The following C1QTNF3 variants were observed in gnomAD, a reference collection of about 807,000 sequenced individuals.
C1QTNF3 encodes complement C1q tumor necrosis factor-related protein 3.
Under a neutral mutation model 32.6 loss-of-function variants are expected in C1QTNF3, and 26 were observed. The ratio of observed to expected loss-of-function variants is 0.80; its 90% CI spans 0.58 to 1.11. The LOEUF (loss-of-function observed/expected upper bound fraction) is 1.11, where lower values mean the gene tolerates loss of function less well. C1QTNF3 is among the 50% of genes least tolerant of loss of function. C1QTNF3 has a pLI of 0.00. For synonymous variants in C1QTNF3, 155 were observed against 146.0 expected, an observed-to-expected ratio of 1.06 and a Z score of -0.44; for missense variants, 362 against 398.2, an observed-to-expected ratio of 0.91 and a Z score of 0.77.
chr5:34,096,756 C>T, the C1QTNF3 span, among the ~76,000 whole-genome samples: 3 of 151,972 alleles, frequency 2.0e-5, no homozygotes, highest in East Asian at 1.9e-4. Context: ...CTAGTGGGTA[C>T]ATATAAACCT....
At chr5:34,035,456 T>C (rs1754712608) in intron 2 of C1QTNF3, among the ~76,000 whole-genome samples, 191 bp downstream of exon 2, 1 of 152,246 alleles carries the variant, frequency 6.6e-6, no homozygotes, top group African/African-American at 2.4e-5. Context: ...ACGAAGACTA[T>C]GACCTGGTCG....
the C1QTNF3 span, among the ~76,000 whole-genome samples, chr5:34,123,629 T>G: frequency 6.7e-6 from 1 of 149,708 alleles, no homozygotes; most frequent in African/African-American, 2.5e-5. Context: ...ATGCTTTTTT[T>G]TTTTCTTTGT....
At chr5:34,142,445 A>AC in the C1QTNF3 span, among the ~76,000 whole-genome samples, 1 of 150,488 alleles carries the variant, frequency 6.6e-6, no homozygotes, top group East Asian at 1.9e-4. Flanking sequence ...AAAAAAAAAA[A>AC]CAGAAAAGAA....
At chr5:34,216,778 GA>G in the C1QTNF3 span, among the ~76,000 whole-genome samples, 1 of 152,090 alleles carries the variant, frequency 6.6e-6, no homozygotes, top group East Asian at 1.9e-4. Context: ...CCCAATTAAT[GA>G]ATTTAAGATG....
At chr5:34,217,151 G>A in the C1QTNF3 span, among the ~76,000 whole-genome samples, 1 of 152,078 alleles carries the variant, frequency 6.6e-6, no homozygotes, top group Non-Finnish European at 1.5e-5. Flanking sequence ...TGCATAGTCT[G>A]CAACCTTTTA....
chr5:34,221,621 AGAT>A, the C1QTNF3 span, among the ~76,000 whole-genome samples: 3 of 152,126 alleles, frequency 2.0e-5, no homozygotes, highest in Non-Finnish European at 2.9e-5. Flanking sequence ...TTACAGCTGA[AGAT>A]GATGAAGAGA....
At chr5:34,091,969 A>C in the C1QTNF3 span, among the ~76,000 whole-genome samples, 1 of 151,930 alleles carries the variant, frequency 6.6e-6, no homozygotes, top group East Asian at 1.9e-4. Context: ...GTTGACTACA[A>C]GATGATTAAA....
At chr5:34,094,627 T>C in the C1QTNF3 span, among the ~76,000 whole-genome samples, 15 of 152,086 alleles carry the variant, frequency 9.9e-5, no homozygotes, top group African/African-American at 3.4e-4. Flanking sequence ...TTAATACATA[T>C]TAGATATTGT....
At chr5:34,035,504 T>G in intron 2 of C1QTNF3, 143 bp downstream of exon 2, 1 of 688,548 alleles carries the variant, frequency 1.5e-6, no homozygotes, top group Non-Finnish European at 2.6e-6. Flanking sequence ...TCCCAGCCTA[T>G]GAACCTGGTA....
chr5:34,020,810 G>C, intron 5 of C1QTNF3, 68 bp from the exon 6 acceptor site: 2 of 1,499,526 alleles, frequency 1.3e-6, no homozygotes, highest in Non-Finnish European at 1.8e-6. Context: ...ACCAAAGTCT[G>C]TGCTCCCCTT....
the C1QTNF3 span, among the ~76,000 whole-genome samples, chr5:34,054,048 C>T: frequency 6.6e-6 from 1 of 152,198 alleles, no homozygotes; most frequent in African/African-American, 2.4e-5. Context: ...GGCGTTGGGT[C>T]TCAGCTGTTA....
chr5:34,240,384 A>G, the C1QTNF3 span, among the ~76,000 whole-genome samples: 1 of 151,732 alleles, frequency 6.6e-6, no homozygotes, highest in African/African-American at 2.4e-5. Flanking sequence ...AGCTAGATAA[A>G]CAAAGAAAAA....
At chr5:34,157,821 T>C in the C1QTNF3 span, among the ~76,000 whole-genome samples, 2 of 152,198 alleles carry the variant, frequency 1.3e-5, no homozygotes, top group African/African-American at 2.4e-5. Flanking sequence ...GAGACCCATA[T>C]TGGACTCCTA....
chr5:34,118,459 G>A, the C1QTNF3 span, among the ~76,000 whole-genome samples: 1 of 152,130 alleles, frequency 6.6e-6, no homozygotes, highest in Non-Finnish European at 1.5e-5. Context: ...TATTAGCTGG[G>A]ATTGACAACA....
At chr5:34,127,990 G>A in the C1QTNF3 span, among the ~76,000 whole-genome samples, 2 of 151,994 alleles carry the variant, frequency 1.3e-5, no homozygotes, top group African/African-American at 2.4e-5. Context: ...AGTCCTCAGG[G>A]CATTTCAGAG....
the C1QTNF3 span, among the ~76,000 whole-genome samples, chr5:34,236,664 C>A: frequency 6.8e-6 from 1 of 146,910 alleles, no homozygotes; most frequent in Non-Finnish European, 1.5e-5. Flanking sequence ...TCCTCCACCC[C>A]GCCAGGTTCA....
At chr5:34,074,942 G>A in the C1QTNF3 span, among the ~76,000 whole-genome samples, 1 of 151,892 alleles carries the variant, frequency 6.6e-6, no homozygotes, top group East Asian at 1.9e-4. Flanking sequence ...CTATTTGAAA[G>A]TGTATATTTG....
the C1QTNF3 span, among the ~76,000 whole-genome samples, chr5:34,197,864 T>C: frequency 6.6e-6 from 1 of 152,102 alleles, no homozygotes; most frequent in Non-Finnish European, 1.5e-5. Context: ...AGAGCCCATT[T>C]TTTAGTTCAT....
At chr5:34,062,181 G>C in the C1QTNF3 span, among the ~76,000 whole-genome samples, 7 of 152,150 alleles carry the variant, frequency 4.6e-5, no homozygotes, top group Admixed American at 2.0e-4. Flanking sequence ...CTCCAGTTCA[G>C]GGGTGAATCC....
Sources: gnomAD v4.1 joint callset for allele counts (sites outside exome capture counted in the v4.1 genomes callset) on GRCh38, gnomAD v4.1.1 for gene constraint, MANE v1.5 for transcripts, NCBI Gene and HGNC (gene_info 2026-07-23, HGNC 2026-07-21) for gene names.